Variants in ZNF475 observed in about 807,000 individuals in gnomAD.
ZNF475 encodes zinc finger protein 475.
the ZNF475 span, among the ~76,000 whole-genome samples, chr5:122,181,823 C>T: frequency 2.0e-5 from 3 of 151,964 alleles, no homozygotes; most frequent in Non-Finnish European, 4.4e-5. Context: ...CTTTTTTCTC[C>T]CTATGCTCTG....
the ZNF475 span, among the ~76,000 whole-genome samples, chr5:122,166,743 G>A: frequency 5.3e-5 from 8 of 152,274 alleles, no homozygotes; most frequent in East Asian, 9.7e-4. Context: ...TATCGTTGAC[G>A]GACATTTGGG....
the ZNF475 span, chr5:122,160,285 A>G: frequency 3.1e-6 from 4 of 1,289,652 alleles, no homozygotes; most frequent in Non-Finnish European, 4.0e-6. Context: ...GTTCTCTTCT[A>G]CATTGTTGGC....
the ZNF475 span, among the ~76,000 whole-genome samples, chr5:122,161,504 A>C: frequency 6.6e-6 from 1 of 152,336 alleles, no homozygotes; most frequent in Non-Finnish European, 1.5e-5. Context: ...TTTCTGGCCT[A>C]TCCAAGGTGG....
At chr5:122,165,648 T>C in the ZNF475 span, among the ~76,000 whole-genome samples, 1 of 152,102 alleles carries the variant, frequency 6.6e-6, no homozygotes, top group Non-Finnish European at 1.5e-5. Context: ...TGAGTTCTCT[T>C]TGACTCTTAG....
chr5:122,164,542 G>A, the ZNF475 span, among the ~76,000 whole-genome samples: 7 of 152,134 alleles, frequency 4.6e-5, no homozygotes, highest in African/African-American at 9.7e-5. Context: ...TGATAGCTGT[G>A]TGCAGGGACC....
At chr5:122,177,857 T>C in the ZNF475 span, among the ~76,000 whole-genome samples, 2 of 152,292 alleles carry the variant, frequency 1.3e-5, no homozygotes, top group East Asian at 3.9e-4. Context: ...CAACACGTTA[T>C]CTACATTAGG....
chr5:122,182,485 T>G, the ZNF475 span: 12 of 1,449,070 alleles, frequency 8.3e-6, no homozygotes, highest in African/African-American at 7.2e-5. Context: ...TCCTTTAACT[T>G]TCCAGCCAAA....
chr5:122,160,974 C>T, the ZNF475 span, among the ~76,000 whole-genome samples: 8 of 152,148 alleles, frequency 5.3e-5, no homozygotes, highest in Non-Finnish European at 8.8e-5. Flanking sequence ...GGCAGTGCAA[C>T]GCAATCTGTA....
At chr5:122,180,853 G>A in the ZNF475 span, among the ~76,000 whole-genome samples, 323 of 152,244 alleles carry the variant, frequency 2.1e-3, 2 homozygotes, top group African/African-American at 7.4e-3. Context: ...TCAAAAAGAG[G>A]ACTTTTCATA....
chr5:122,171,065 C>G, the ZNF475 span, among the ~76,000 whole-genome samples: 5 of 152,090 alleles, frequency 3.3e-5, no homozygotes, highest in African/African-American at 9.7e-5. Flanking sequence ...CTATGCAAAG[C>G]TGTATTCATT....
At chr5:122,168,749 T>A in the ZNF475 span, among the ~76,000 whole-genome samples, 1 of 152,180 alleles carries the variant, frequency 6.6e-6, no homozygotes, top group Non-Finnish European at 1.5e-5. Context: ...ATCTGGCCCA[T>A]TTCTTAATCT....
the ZNF475 span, among the ~76,000 whole-genome samples, chr5:122,177,570 C>T: frequency 6.6e-6 from 1 of 152,072 alleles, no homozygotes; most frequent in Admixed American, 6.6e-5. Context: ...GAAGCCATGT[C>T]CTCACCTCAA....
At chr5:122,174,588 C>CT in the ZNF475 span, among the ~76,000 whole-genome samples, 14 of 152,126 alleles carry the variant, frequency 9.2e-5, no homozygotes, top group East Asian at 1.9e-4. Context: ...ACATCTTCAC[C>CT]TTTTTATGGT....
At chr5:122,160,666 T>C in the ZNF475 span, among the ~76,000 whole-genome samples, 2 of 152,216 alleles carry the variant, frequency 1.3e-5, no homozygotes, top group Non-Finnish European at 2.9e-5. Context: ...CTGTAACTTC[T>C]GTGAGAGGAG....
the ZNF475 span, among the ~76,000 whole-genome samples, chr5:122,168,818 C>CA: frequency 6.6e-6 from 1 of 152,188 alleles, no homozygotes; most frequent in African/African-American, 2.4e-5. Flanking sequence ...ACACAATCCC[C>CA]AAAATTGCCC....
At chr5:122,175,356 A>G in the ZNF475 span, among the ~76,000 whole-genome samples, 2 of 152,150 alleles carry the variant, frequency 1.3e-5, no homozygotes, top group African/African-American at 4.8e-5. Context: ...ACCAAGTTTT[A>G]TTTCCCCAAT....
At chr5:122,166,440 C>T in the ZNF475 span, among the ~76,000 whole-genome samples, 1 of 152,032 alleles carries the variant, frequency 6.6e-6, no homozygotes, top group African/African-American at 2.4e-5. Context: ...TGGTGTGCTG[C>T]ACCCATTAAC....
chr5:122,175,797 T>C, the ZNF475 span, among the ~76,000 whole-genome samples: 2 of 152,180 alleles, frequency 1.3e-5, no homozygotes, highest in Admixed American at 6.5e-5. Flanking sequence ...TCCTATTTTA[T>C]TGTGGGCCTA....
the ZNF475 span, among the ~76,000 whole-genome samples, chr5:122,167,424 T>C: frequency 1.3e-5 from 2 of 152,228 alleles, no homozygotes; most frequent in African/African-American, 2.4e-5. Flanking sequence ...TTATATGCTT[T>C]GTTTTTTGAA....
Sources: allele counts gnomAD v4.1 joint callset (sites outside exome capture counted in the v4.1 genomes callset), GRCh38; gene constraint gnomAD v4.1.1; transcripts MANE v1.5; gene names NCBI Gene and HGNC (gene_info 2026-07-23, HGNC 2026-07-21).